GLI2: variants seen among roughly 807,000 people sequenced by gnomAD.
GLI2 encodes the protein transcription activator GLI2.
GLI2 carries 22 observed loss-of-function variants against 78.9 expected under a neutral mutation model. That is an observed-to-expected ratio of 0.28 (90% CI 0.20 to 0.40). GLI2 has a LOEUF of 0.40. GLI2 is among the 10% of genes least tolerant of loss of function. GLI2 has a pLI of 1.00. For missense variants in GLI2, 2,097 were observed against 2,213.2 expected (o/e 0.95, Z 1.05); for synonymous variants, 974 against 963.7 (o/e 1.01, Z -0.20).
intron 1 of GLI2, among the ~76,000 whole-genome samples, chr2:120,793,341 G>A (rs1684236197): frequency 6.6e-6 from 1 of 152,266 alleles, no homozygotes. Context: ...GGTAGGTGCT[G>A]TGACTCCCAG....
At chr2:120,853,531 A>G (rs1015526727) in intron 2 of GLI2, among the ~76,000 whole-genome samples, 3 of 152,126 alleles carry the variant, frequency 2.0e-5, no homozygotes, top group Admixed American at 6.5e-5. Flanking sequence ...TGGGATTGCA[A>G]TGCTGAGCTT....
intron 2 of GLI2, among the ~76,000 whole-genome samples, chr2:120,842,803 T>G (rs1400067579): frequency 1.3e-5 from 2 of 152,244 alleles, no homozygotes; most frequent in African/African-American, 2.4e-5. Context: ...AGAGAAATTG[T>G]CCTTAGCAGA....
chr2:120,958,505 G>A (rs112075920), intron 5 of GLI2, among the ~76,000 whole-genome samples: 154 of 152,122 alleles, frequency 1.0e-3, no homozygotes, highest in African/African-American at 3.7e-3. Context: ...TATCGCCCTC[G>A]TAGCACTGCT....
At chr2:120,829,710 C>G (rs910506549) in intron 2 of GLI2, among the ~76,000 whole-genome samples, 1 of 152,220 alleles carries the variant, frequency 6.6e-6, no homozygotes, top group South Asian at 2.1e-4. Flanking sequence ...GGGCCCGGGC[C>G]TGGGAGAAGG....
chr2:120,786,546 T>TA (rs1291142549), intron 1 of GLI2, among the ~76,000 whole-genome samples: 1 of 150,386 alleles, frequency 6.6e-6, no homozygotes, highest in Non-Finnish European at 1.5e-5. Flanking sequence ...TTTTAAGAGA[T>TA]AAACACTTTT....
At chr2:120,752,061 C>G (rs1418042345) in intron 1 of GLI2, among the ~76,000 whole-genome samples, 1 of 152,028 alleles carries the variant, frequency 6.6e-6, no homozygotes, top group Non-Finnish European at 1.5e-5. Context: ...AGTGAGTATG[C>G]CTGTGTCTCC....
chr2:120,972,105 C>G, intron 8 of GLI2, 42 bp downstream of exon 8: 7 of 1,610,684 alleles, frequency 4.3e-6, no homozygotes, highest in Non-Finnish European at 5.9e-6. Flanking sequence ...CAGCTAGGAC[C>G]AGGCTTGTGG....
At chr2:120,873,160 G>A (rs1045652842) in intron 2 of GLI2, among the ~76,000 whole-genome samples, 4 of 152,086 alleles carry the variant, frequency 2.6e-5, no homozygotes, top group Non-Finnish European at 4.4e-5. Context: ...ATGCCTTTCC[G>A]TTCAAGTTTT....
At chr2:120,857,343 G>GCCCCCCCACCCACCGA (rs1553457437) in intron 2 of GLI2, among the ~76,000 whole-genome samples, 6 of 99,686 alleles carry the variant, frequency 6.0e-5, no homozygotes, top group Admixed American at 1.1e-4. Context: ...CTACCCATCT[G>GCCCCCCCACCCACCGA]CCCACCCACC....
rs748397462 is a variant in GLI2 at position 120,990,120 on chromosome 2, C to A, written c.4155C>A (p.Ala1385=). ...CCTACGCCAGGGCCACAGGCCATGCCATGGCTGCCATGCCGTCCAGTCAGG... is the reference window on the plus strand; with the variant it reads ...CCTACGCCAGGGCCACAGGCCATGCAATGGCTGCCATGCCGTCCAGTCAGG... ...QLAYARATGH[A]MAAMPSSQET... is the part of the protein sequence containing the mutation. Residue 1385 remains alanine, a synonymous_variant, in exon 14 of 14, where the codon GCC becomes GCA. Coordinates refer to ENST00000361492, the MANE Select transcript of GLI2 (RefSeq NM_001374353.1). The A allele has an allele frequency of 1.3e-5, 21 of 1,604,018 alleles. No homozygotes were observed. The Admixed American group carries it at 1.5e-4, about 12-fold the overall frequency.
intron 2 of GLI2, among the ~76,000 whole-genome samples, chr2:120,854,445 G>T (rs1471903505): frequency 6.6e-6 from 1 of 151,136 alleles, no homozygotes; most frequent in Non-Finnish European, 1.5e-5. Context: ...GCTGCTTCAA[G>T]GGGGGCTGCC....
At chr2:120,753,771 G>T (rs1425490403) in intron 1 of GLI2, among the ~76,000 whole-genome samples, 1 of 151,960 alleles carries the variant, frequency 6.6e-6, no homozygotes, top group East Asian at 1.9e-4. Flanking sequence ...GGTGGCGGGC[G>T]CCTGCAGTCT....
chr2:120,979,339 T>G (rs1682608123), intron 10 of GLI2, among the ~76,000 whole-genome samples: 1 of 152,178 alleles, frequency 6.6e-6, no homozygotes, highest in African/African-American at 2.4e-5. Flanking sequence ...TCAACAGGAT[T>G]TATGACTATA....
At chr2:120,980,229 T>G (rs1682655055) in intron 10 of GLI2, among the ~76,000 whole-genome samples, 1 of 152,244 alleles carries the variant, frequency 6.6e-6, no homozygotes, top group Non-Finnish European at 1.5e-5. Context: ...AAAACGCTGC[T>G]CCATTTTACC....
intron 1 of GLI2, among the ~76,000 whole-genome samples, chr2:120,783,806 A>G (rs774195513): frequency 6.6e-6 from 1 of 152,176 alleles, no homozygotes; most frequent in African/African-American, 2.4e-5. Flanking sequence ...AAAACCACTT[A>G]AAGTCTGATC....
chr2:120,894,781 C>T (rs1677864068), intron 2 of GLI2, among the ~76,000 whole-genome samples: 2 of 152,120 alleles, frequency 1.3e-5, no homozygotes, highest in Non-Finnish European at 2.9e-5. Flanking sequence ...TCACTGCAAC[C>T]TCTGCCTTCT....
intron 1 of GLI2, among the ~76,000 whole-genome samples, chr2:120,784,276 TA>T (rs1415070087): frequency 1.3e-5 from 2 of 152,330 alleles, no homozygotes; most frequent in African/African-American, 4.8e-5. Flanking sequence ...CCCAGGCTAA[TA>T]AGGGGCCATG....
chr2:120,787,904 G>A (rs1684042558), intron 1 of GLI2, among the ~76,000 whole-genome samples: 1 of 152,198 alleles, frequency 6.6e-6, no homozygotes, highest in Non-Finnish European at 1.5e-5. Flanking sequence ...CGAGAGTTTA[G>A]ATGTCAGACT....
intron 2 of GLI2, among the ~76,000 whole-genome samples, chr2:120,856,257 G>C (rs1010658153): frequency 2.0e-5 from 3 of 152,176 alleles, no homozygotes; most frequent in Non-Finnish European, 4.4e-5. Flanking sequence ...GAGGGCAGGG[G>C]GTGCCCACCT....
Sources: allele counts gnomAD v4.1 joint callset (sites outside exome capture counted in the v4.1 genomes callset), GRCh38; gene constraint gnomAD v4.1.1; transcripts MANE v1.5; gene names NCBI Gene and HGNC (gene_info 2026-07-23, HGNC 2026-07-21).